PWWP2A: variants seen among roughly 807,000 people sequenced by gnomAD.
PWWP2A encodes PWWP domain-containing protein 2A.
PWWP2A carries 18 observed loss-of-function variants against 48.5 expected under a neutral mutation model. The ratio of observed to expected loss-of-function variants is 0.37; its 90% CI spans 0.26 to 0.55. PWWP2A has a LOEUF of 0.55. Among genes scored for constraint, PWWP2A ranks in the 20% least tolerant of loss-of-function variants. The probability of loss-of-function intolerance (pLI) is 0.81; values close to 1 mark genes in which losing one functional copy is unlikely to be tolerated. For missense variants in PWWP2A, 867 were observed against 976.4 expected, an observed-to-expected ratio of 0.89 and a Z score of 1.49; for synonymous variants, 396 against 387.7, an observed-to-expected ratio of 1.02 and a Z score of -0.25.
downstream of PWWP2A, chr5:160,089,505 C>T: frequency 7.9e-7 from 1 of 1,270,296 alleles, no homozygotes; most frequent in South Asian, 1.3e-5. Flanking sequence ...ACCCACCGCA[C>T]CTGGCCTCTC....
rs1224935697 is a variant in PWWP2A at position 160,091,941 on chromosome 5, C to G, written c.*441G>C. 5.1e-6 allele frequency: 5 copies of G among 977,084 alleles called. No individual in the cohort carries two copies. Among genetic ancestry groups the G allele is most frequent in the East Asian group, 2.3e-4 (2 of 8,744 alleles). 60.5% of individuals were successfully genotyped at this position (977,084 alleles called of 1,614,324 possible). On this transcript the variant is annotated 3_prime_UTR_variant, in exon 2 of 2. Transcript: ENST00000307063. ...TCCCAAATATGCAATCTGTGTCACA[C>G]AGTGACAGGCTGTATTTCATATATA...
At chr5:160,090,597 T>G (rs147519967), downstream of PWWP2A, 168 of 984,940 alleles carry the variant, frequency 1.7e-4, no homozygotes, top group African/African-American at 2.7e-3. Context: ...GAGTTCCCCA[T>G]AAGAAATTCT....
chr5:160,048,798 A>G, the PWWP2A span, among the ~76,000 whole-genome samples: 1 of 152,180 alleles, frequency 6.6e-6, no homozygotes, highest in African/African-American at 2.4e-5. Flanking sequence ...TAAAAATACA[A>G]AAATTAGCCG....
At chr5:160,050,205 T>C in the PWWP2A span, among the ~76,000 whole-genome samples, 1 of 152,152 alleles carries the variant, frequency 6.6e-6, no homozygotes, top group African/African-American at 2.4e-5. Flanking sequence ...CCCAGCACTT[T>C]GGGAGGCCGA....
At chr5:160,089,484 A>G, downstream of PWWP2A, 36 of 1,214,598 alleles carry the variant, frequency 3.0e-5, no homozygotes, top group Middle Eastern at 2.3e-4. Flanking sequence ...ACTTCTAGGA[A>G]TATGGGAATG....
Position 160,118,946 on chromosome 5 carries a change from C to A in PWWP2A, c.443G>T (p.Gly148Val). 6.3e-7 allele frequency: 1 copy of A among 1,598,702 alleles called. No homozygotes were observed. The highest frequency in any genetic ancestry group is 8.5e-7 in the Non-Finnish European group (1 of 1,173,964). ...PVAPALVPPA[G>V]GDSTVSQLIP... Reference sequence around the variant, plus strand: ...CAGTTGCGACACCGTGGAGTCCCCGCCCGCCGGCGGCACGAGCGCCGGGGC... The same window carrying A: ...CAGTTGCGACACCGTGGAGTCCCCGACCGCCGGCGGCACGAGCGCCGGGGC... The change falls in exon 1 of 2, where the codon GGC becomes GTC. Residue 148 changes from glycine (G) to valine (V), a missense_variant. This residue lies in a region of PWWP2A where 385 missense variants were observed against 396.9 expected (regional missense o/e 0.97). Coordinates refer to ENST00000307063, the MANE Select transcript of PWWP2A (RefSeq NM_001130864.2).
At chr5:160,055,248 CTGTA>C in the PWWP2A span, among the ~76,000 whole-genome samples, 237 of 152,290 alleles carry the variant, frequency 1.6e-3, 3 homozygotes, top group African/African-American at 5.5e-3. Context: ...TCAATAAAAT[CTGTA>C]TGTATATATT....
Position 160,118,808 on chromosome 5 carries a change from T to C in PWWP2A, c.581A>G (p.Lys194Arg). ...LFSGVLMDLS[K>R]RFGPHGIPVT... ...GTGCTGGGGGCGGGCGCGGTACCTT[T>C]TGGACAGATCCATGAGGACCCCGGA... is the stretch of plus-strand genomic sequence containing the variant. Residue 194 changes from lysine to arginine, a missense_variant, in exon 1 of 2, where the codon AAA becomes AGA. Lys to Arg is a conservative substitution (Grantham distance 26). Around this residue, in one of 4 missense-constraint regions of PWWP2A, gnomAD observed 385 missense variants for 396.9 expected, o/e 0.97. Transcript: ENST00000307063. The C allele has an allele frequency of 6.6e-7, 1 of 1,519,958 alleles. No homozygotes were observed. The highest frequency in any genetic ancestry group is 8.8e-7 in the Non-Finnish European group (1 of 1,133,610). The allele number at this position is 1,519,958 out of a possible 1,614,324, so 94.2% of individuals were successfully genotyped here.
chr5:160,080,193 A>G (rs1754129428), intron 3 of PWWP2A, among the ~76,000 whole-genome samples: 1 of 152,246 alleles, frequency 6.6e-6, no homozygotes, highest in African/African-American at 2.4e-5. Flanking sequence ...CTAAGAATAT[A>G]TATACACATA....
chr5:160,088,980 T>G (rs777790237), downstream of PWWP2A, among the ~76,000 whole-genome samples: 5 of 152,242 alleles, frequency 3.3e-5, no homozygotes, highest in Non-Finnish European at 5.9e-5. Flanking sequence ...GGCTCACTAG[T>G]GAAGATATAT....
Position 160,093,504 on chromosome 5 carries a change from T to G in PWWP2A, c.1146A>C (p.Arg382Ser), listed in dbSNP as rs774040787. The change falls in exon 2 of 2, where the codon AGA (arginine) becomes AGC (serine). Residue 382 changes from arginine to serine, a missense_variant. Around this residue, in one of 4 missense-constraint regions of PWWP2A, gnomAD observed 382 missense variants for 407.2 expected, o/e 0.94. Transcript: ENST00000307063. This position sits in a 1 kb window ranked among gnomAD's most constrained non-coding sequence, Gnocchi z 5.8. ...DGKNQNESQK[R>S]NAVVKVSNIA... ...TATTTGAAACCTTAACCACAGCATT[T>G]CTTTTCTGGCTTTCATTTTGGTTTT... 2.7e-5 allele frequency: 44 copies of G among 1,613,870 alleles called. 1 individual carries two copies. The South Asian group carries it at 4.6e-4, about 17-fold the overall frequency.
downstream of PWWP2A, chr5:160,090,398 T>C: frequency 4.1e-6 from 4 of 983,314 alleles, no homozygotes; most frequent in Non-Finnish European, 3.6e-6. Context: ...ATTGAACAAG[T>C]TCATTAATCT....
At chr5:160,094,775 C>A (rs1353149417) in intron 1 of PWWP2A, among the ~76,000 whole-genome samples, 2 of 151,984 alleles carry the variant, frequency 1.3e-5, no homozygotes, top group Non-Finnish European at 2.9e-5. Context: ...GGGCCGGGTG[C>A]AGTGGCTCAT....
intron 2 of PWWP2A, among the ~76,000 whole-genome samples, chr5:160,068,393 A>G (rs941416129): frequency 6.6e-6 from 1 of 152,138 alleles, no homozygotes; most frequent in South Asian, 2.1e-4. Flanking sequence ...TGAGGTCAGG[A>G]GTTTGAGACC....
intron 1 of PWWP2A, among the ~76,000 whole-genome samples, chr5:160,115,757 G>A (rs556907791): frequency 1.3e-4 from 19 of 151,716 alleles, no homozygotes; most frequent in Admixed American, 5.9e-4. Flanking sequence ...CCAGCTATTT[G>A]GGAAGCTGAG....
intron 1 of PWWP2A, among the ~76,000 whole-genome samples, chr5:160,102,209 C>T (rs1158493367): frequency 1.3e-5 from 2 of 150,940 alleles, no homozygotes; most frequent in Non-Finnish European, 2.9e-5. Context: ...GAGTTCAAGA[C>T]CAGCCTGGCC....
At chr5:160,067,704 G>A (rs571767286) in intron 2 of PWWP2A, among the ~76,000 whole-genome samples, 27 of 152,332 alleles carry the variant, frequency 1.8e-4, no homozygotes, top group Admixed American at 1.1e-3. Context: ...GTGTGAGCTT[G>A]CTTAAGCCAA....
chr5:160,085,800 C>T (rs1754588812), intron 2 of PWWP2A, among the ~76,000 whole-genome samples: 3 of 150,886 alleles, frequency 2.0e-5, no homozygotes, highest in Admixed American at 6.6e-5. Flanking sequence ...CCAACACGCC[C>T]GGCTGTCACA....
chr5:160,081,376 T>C (rs573185169), intron 2 of PWWP2A, among the ~76,000 whole-genome samples: 126 of 151,852 alleles, frequency 8.3e-4, no homozygotes, highest in Admixed American at 1.6e-3. Flanking sequence ...GTAGCTAGGA[T>C]TACAGGCGCC....
Sources: gnomAD v4.1 joint callset for allele counts (sites outside exome capture counted in the v4.1 genomes callset) on GRCh38, gnomAD v4.1.1 for gene constraint, gnomAD v4.1.1 regional missense constraint, Gnocchi (gnomAD v3.1) non-coding constraint, MANE v1.5 for transcripts, NCBI Gene and HGNC (gene_info 2026-07-23, HGNC 2026-07-21) for gene names.